Variants in FXR2 observed in about 807,000 individuals in gnomAD.
FXR2 encodes the protein RNA-binding protein FXR2.
In FXR2, 9 loss-of-function variants were observed where a neutral mutation model predicts 87.3. That is an observed-to-expected ratio of 0.10 (90% confidence interval 0.06 to 0.18). The LOEUF is 0.18. Ranked by LOEUF, FXR2 falls within the 10% of genes least tolerant of loss-of-function variation. The probability of loss-of-function intolerance (pLI) is 1.00; values close to 1 mark genes in which losing one functional copy is unlikely to be tolerated. For missense variants in FXR2, 661 were observed against 893.6 expected, an observed-to-expected ratio of 0.74 and a Z score of 3.32; for synonymous variants, 331 against 328.3, an observed-to-expected ratio of 1.01 and a Z score of -0.09.
Position 7,595,104 on chromosome 17 carries a change from G to C in FXR2, c.832-347C>G, listed in dbSNP as rs2071696988. Among the ~76,000 whole-genome samples the C allele has an allele frequency of 6.7e-6, 1 of 150,154 alleles. No individual in the cohort carries two copies. The highest frequency in any genetic ancestry group is 6.7e-5 in the Admixed American group (1 of 14,992). On this transcript the variant is annotated intron_variant, in intron 8 of 16. Transcript: ENST00000250113. The surrounding 1 kb of genome is among the most constrained non-coding windows in gnomAD (Gnocchi z 4.7). Reference sequence around the variant, plus strand: ...CTAGCCCGGGCAACAGAGTGAGTTAGACTCCATCTCATAAAAAAAAAAAAT... The same window carrying C: ...CTAGCCCGGGCAACAGAGTGAGTTACACTCCATCTCATAAAAAAAAAAAAT...
chr17:7,598,622 CTA>C (rs2071727323), intron 7 of FXR2, among the ~76,000 whole-genome samples: 1 of 152,106 alleles, frequency 6.6e-6, no homozygotes, highest in Non-Finnish European at 1.5e-5. Context: ...TCACTCTGCG[CTA>C]ACTACACAAG....
intron 5 of FXR2, among the ~76,000 whole-genome samples, chr17:7,603,266 G>A (rs1205270162): frequency 3.3e-5 from 5 of 151,800 alleles, no homozygotes; most frequent in East Asian, 1.9e-4. Flanking sequence ...GGTGGCTCAC[G>A]CCTGTAATCC....
chr17:7,596,145 G>T, intron 7 of FXR2, 151 bp from the exon 8 acceptor site: 1 of 631,782 alleles, frequency 1.6e-6, no homozygotes, highest in East Asian at 2.7e-5. Flanking sequence ...GGACCTGTGT[G>T]GAAAGGTCAG....
Position 7,592,063 on chromosome 17 carries a change from TC to T in FXR2, c.1927-139del. ...GGTTCCCTGATCTCATGATCCAGTC[TC>T]TCTTACTTGGGATCCAGAAAATGTG... On this transcript the variant is annotated intron_variant, in intron 16 of 16. Transcript: ENST00000250113. This position sits in a 1 kb window ranked among gnomAD's most constrained non-coding sequence, Gnocchi z 4.8. 7.4e-7 allele frequency: 1 copy of T among 1,357,440 alleles called. No individual in the cohort carries two copies. The highest frequency in any genetic ancestry group is 9.7e-7 in the Non-Finnish European group (1 of 1,031,940). 84.1% of individuals were successfully genotyped at this position (1,357,440 alleles called of 1,614,324 possible).
At position 7,614,342 on chromosome 17, in the gene FXR2, T is replaced by C. The variant is rs111226773; in HGVS notation, c.81+110A>G. The C allele has an allele frequency of 3.8e-3, 3,104 of 814,818 alleles. 10 individuals are homozygous for C. The highest frequency in any genetic ancestry group is 4.8e-3 in the Non-Finnish European group (2,469 of 516,776). 50.5% of individuals were successfully genotyped at this position (814,818 alleles called of 1,614,324 possible). ...TGCGGGTTGGAGCAAGGGTCCAAGA[T>C]TCTAAGGGCCAGGACTCAGCTCCAG... On this transcript the variant is annotated intron_variant, in intron 1 of 16. Coordinates refer to ENST00000250113, the MANE Select transcript of FXR2 (RefSeq NM_004860.4).
chr17:7,614,409 A>C, intron 1 of FXR2, 43 bp downstream of exon 1: 1 of 1,383,150 alleles, frequency 7.2e-7, no homozygotes, highest in Non-Finnish European at 9.9e-7. Flanking sequence ...CGGCCAGGGG[A>C]GGGGGCTAAG....
chr17:7,592,875 A>C lies in FXR2; in HGVS notation c.1548T>G (p.Ser516Arg), dbSNP rs906479649. ...ACGTGTCCAATAGGCTGTAGGGATT[A>C]CTGTCTGGATCCTTCAGCACTGGTC... ...SISSVLKDPD[S>R]NPYSLLDTSE... Residue 516 changes from serine (S) to arginine (R), a missense_variant, in exon 14 of 17, where the codon AGT becomes AGG. Ser to Arg is a moderately radical substitution (Grantham distance 110). Around this residue, in one of 3 missense-constraint regions of FXR2, gnomAD observed 409 missense variants for 432.0 expected, o/e 0.95. Transcript: ENST00000250113. This position sits in a 1 kb window ranked among gnomAD's most constrained non-coding sequence, Gnocchi z 4.8. The C allele has an allele frequency of 1.3e-6, 2 of 1,590,122 alleles. No homozygotes were observed. The highest frequency in any genetic ancestry group is 3.5e-5 in the Admixed American group (2 of 56,684).
At chr17:7,600,564 C>T (rs1012721586) in intron 7 of FXR2, among the ~76,000 whole-genome samples, 6 of 152,122 alleles carry the variant, frequency 3.9e-5, no homozygotes, top group African/African-American at 1.2e-4. Flanking sequence ...TTGCAAAGTA[C>T]AGGCAGATGG....
Position 7,592,927 on chromosome 17 carries a change from T to A in FXR2, c.1529-33A>T. ...GAGGAAGAAGAGGAGGAGTTGGCAG[T>A]CAGGTGCCCATCATCTTTCCTTTTG... On this transcript the variant is annotated intron_variant, in intron 13 of 16. Coordinates refer to ENST00000250113, the MANE Select transcript of FXR2 (RefSeq NM_004860.4). This position sits in a 1 kb window ranked among gnomAD's most constrained non-coding sequence, Gnocchi z 4.8. 4 of 1,546,842 alleles carry A rather than the reference T, an allele frequency of 2.6e-6. No individual in the cohort carries two copies. The highest frequency in any genetic ancestry group is 3.5e-6 in the Non-Finnish European group (4 of 1,145,366).
Position 7,594,708 on chromosome 17 carries a change from T to A in FXR2, c.881A>T (p.Asp294Val). 1 of 1,612,064 alleles carries A rather than the reference T, an allele frequency of 6.2e-7. No individual in the cohort carries two copies. ...CAGGTTCCTGGGCACTTGCACTGAG[T>A]CCTCAGAAAACTCAAGGTAGCTTCG... Reference protein sequence around the residue: ...QARSYLEFSEDSVQVPRNLVG... With the variant: ...QARSYLEFSEVSVQVPRNLVG... Residue 294 changes from aspartate to valine, a missense_variant, in exon 9 of 17, where the codon GAC (aspartate) becomes GTC (valine). By Grantham distance (152) the Asp-to-Val change is radical. Coordinates refer to ENST00000250113, the MANE Select transcript of FXR2 (RefSeq NM_004860.4). The surrounding 1 kb of genome is among the most constrained non-coding windows in gnomAD (Gnocchi z 5.1).
rs905927998 is a variant in FXR2, at chr17:7,608,439, A to AT, written c.82-2291_82-2290insA. Among the ~76,000 whole-genome samples the AT allele has an allele frequency of 1.8e-4, 26 of 147,458 alleles. No individual in the cohort carries two copies. The South Asian group carries it at 4.9e-3, about 28-fold the overall frequency. ...AAATCCCATTGCTACTAAAAAAAAA[A>AT]AAAAATAATAATAATAATAATATAT... is the stretch of plus-strand genomic sequence containing the variant. On this transcript the variant is annotated intron_variant, in intron 1 of 16. Transcript: ENST00000250113.
chr17:7,593,684 T>A lies in FXR2; in HGVS notation c.1108-59A>T, dbSNP rs2071685978. On this transcript the variant is annotated intron_variant, in intron 11 of 16. Coordinates refer to ENST00000250113, the MANE Select transcript of FXR2 (RefSeq NM_004860.4). The surrounding 1 kb of genome is among the most constrained non-coding windows in gnomAD (Gnocchi z 6.1). ...GAAATAAGATCAGTGCCTTGCTTCATGCTTCTGCACCCTGACTGTCCCTCT... is the reference window on the plus strand; with the variant it reads ...GAAATAAGATCAGTGCCTTGCTTCAAGCTTCTGCACCCTGACTGTCCCTCT... 1 of 1,177,748 alleles carries A rather than the reference T, an allele frequency of 8.5e-7. No individual in the cohort carries two copies. Among genetic ancestry groups the A allele is most frequent in the African/African-American group, 1.5e-5 (1 of 66,094 alleles). 73.0% of individuals were successfully genotyped at this position (1,177,748 alleles called of 1,614,324 possible). A position where few individuals can be genotyped will look rare whatever the true frequency, so the allele number is the denominator to read the frequency against.
At chr17:7,602,372 T>C (rs950157115) in intron 6 of FXR2, among the ~76,000 whole-genome samples, 19 of 152,208 alleles carry the variant, frequency 1.2e-4, no homozygotes, top group Admixed American at 1.0e-3. Flanking sequence ...AGGACCAGCC[T>C]GGCCAACATG....
Position 7,591,391 on chromosome 17 carries a change from C to T in FXR2, c.*439G>A, listed in dbSNP as rs1002170983. On this transcript the variant is annotated 3_prime_UTR_variant, in exon 17 of 17. Coordinates refer to ENST00000250113, the MANE Select transcript of FXR2 (RefSeq NM_004860.4). The surrounding 1 kb of genome is among the most constrained non-coding windows in gnomAD (Gnocchi z 4.0). The stretch of plus-strand genomic sequence containing the variant: ...TCCAAAACCTTCCCCGTGCCTCCCA[C>T]CCACTTATCTCTTACTATCCCCGTC... The T allele has an allele frequency of 6.0e-5, 12 of 199,434 alleles. No individual in the cohort carries two copies. The Admixed American group carries it at 6.4e-4, about 11-fold the overall frequency. The allele number at this position is 199,434 out of a possible 1,614,324, so 12.4% of individuals were successfully genotyped here. A position where few individuals can be genotyped will look rare whatever the true frequency, so the allele number is the denominator to read the frequency against.
chr17:7,602,816 A>C, intron 6 of FXR2, 93 bp downstream of exon 6: 1 of 690,112 alleles, frequency 1.4e-6, no homozygotes, highest in Non-Finnish European at 2.6e-6. Context: ...ATATAAGCAC[A>C]TTTAAGCCCT....
Position 7,609,249 on chromosome 17 carries a change from G to A in FXR2, c.82-3100C>T, listed in dbSNP as rs563136871. Among the ~76,000 whole-genome samples, 11 of 152,342 alleles carry A rather than the reference G, an allele frequency of 7.2e-5. No individual in the cohort carries two copies. The South Asian group carries it at 1.5e-3, about 20-fold the overall frequency. On this transcript the variant is annotated intron_variant, in intron 1 of 16. Coordinates refer to ENST00000250113, the MANE Select transcript of FXR2 (RefSeq NM_004860.4). ...AACACCAAAAATGCCCTTGGCAAAT[G>A]CACAGCTCCCACCTCATAGAACTAA...
rs200889359 is a variant in FXR2 at position 7,601,000 on chromosome 17, CA to C, written c.660+408del. On this transcript the variant is annotated intron_variant, in intron 7 of 16. Transcript: ENST00000250113. Reference sequence around the variant, plus strand: ...TTCGAGGCCAGCTTGGGCAACATGGCAAAACCCCATCTTACTAATAATACAA... The same window carrying C: ...TTCGAGGCCAGCTTGGGCAACATGGCAAACCCCATCTTACTAATAATACAA... Among the ~76,000 whole-genome samples, 1,184 of 149,968 alleles carry C rather than the reference CA, an allele frequency of 7.9e-3. 15 individuals are homozygous for C. Among genetic ancestry groups the C allele is most frequent in the African/African-American group, 0.027 (1,110 of 40,612 alleles).
intron 1 of FXR2, among the ~76,000 whole-genome samples, chr17:7,610,721 A>G (rs957801713): frequency 2.4e-4 from 37 of 152,100 alleles, no homozygotes; most frequent in African/African-American, 8.2e-4. Context: ...TGCTCAGTCT[A>G]CGCTCATTGT....
chr17:7,601,047 C>T (rs1008203907), intron 7 of FXR2, among the ~76,000 whole-genome samples: 3 of 151,980 alleles, frequency 2.0e-5, no homozygotes, highest in Non-Finnish European at 2.9e-5. Context: ...GGTGTGGTGG[C>T]GCACGCCTGT....
Sources: allele counts gnomAD v4.1 joint callset (sites outside exome capture counted in the v4.1 genomes callset), GRCh38; gene constraint gnomAD v4.1.1; regional missense constraint gnomAD v4.1.1; non-coding constraint Gnocchi (gnomAD v3.1); transcripts MANE v1.5; gene names NCBI Gene and HGNC (gene_info 2026-07-23, HGNC 2026-07-21).